KCNQ3: variants seen among roughly 807,000 people sequenced by gnomAD.
KCNQ3 encodes potassium voltage-gated channel subfamily Q member 3.
KCNQ3 carries 30 observed loss-of-function variants against 92.5 expected under a neutral mutation model. That is an observed-to-expected ratio of 0.32 (90% CI 0.24 to 0.44). KCNQ3 has a LOEUF of 0.44. KCNQ3 is among the 20% of genes least tolerant of loss of function. KCNQ3 has a pLI of 1.00. For missense variants in KCNQ3, 913 were observed against 1,140.3 expected (o/e 0.80, Z 2.87); for synonymous variants, 450 against 468.8 (o/e 0.96, Z 0.52).
At chr8:132,372,307 C>T (rs1271680846) in intron 1 of KCNQ3, among the ~76,000 whole-genome samples, 7 of 152,208 alleles carry the variant, frequency 4.6e-5, no homozygotes, top group Non-Finnish European at 1.0e-4. Context: ...CAAAATCAGA[C>T]TGTCTCTGAC....
At position 132,124,861 on chromosome 8, in the gene KCNQ3, G is replaced by A. The variant is rs1824612634; in HGVS notation, c.*4401C>T. ...ATGTGGCATCTTCTGGGAAAGCACA[G>A]GGGTGGGAGAATCCTGGGGTGTGTT... On this transcript the variant is annotated 3_prime_UTR_variant, in exon 15 of 15. Coordinates refer to ENST00000388996, the MANE Select transcript of KCNQ3 (RefSeq NM_004519.4). The A allele has an allele frequency of 6.6e-6, 1 of 152,210 alleles. No individual in the cohort carries two copies. Among genetic ancestry groups the A allele is most frequent in the African/African-American group, 2.4e-5 (1 of 41,456 alleles). The allele number at this position is 152,210 out of a possible 1,614,324, so 9.4% of individuals were successfully genotyped here. A position where few individuals can be genotyped will look rare whatever the true frequency, so the allele number is the denominator to read the frequency against.
At chr8:132,378,230 C>T (rs1311101662) in intron 1 of KCNQ3, among the ~76,000 whole-genome samples, 1 of 151,940 alleles carries the variant, frequency 6.6e-6, no homozygotes, top group South Asian at 2.1e-4. Context: ...CTCGTCCCTA[C>T]TAAAAATACA....
At chr8:132,288,535 C>T (rs1389377529) in intron 1 of KCNQ3, among the ~76,000 whole-genome samples, 1 of 152,192 alleles carries the variant, frequency 6.6e-6, no homozygotes, top group Non-Finnish European at 1.5e-5. Flanking sequence ...TAAAATGCCT[C>T]TCCTTCCCCC....
chr8:132,213,618 G>A (rs972923165), intron 1 of KCNQ3, among the ~76,000 whole-genome samples: 2 of 152,178 alleles, frequency 1.3e-5, no homozygotes, highest in Non-Finnish European at 2.9e-5. Context: ...GCTCACCCTT[G>A]TTCTGTTCCT....
chr8:132,233,523 C>T (rs1166457422), intron 1 of KCNQ3, among the ~76,000 whole-genome samples: 1 of 152,170 alleles, frequency 6.6e-6, no homozygotes, highest in Admixed American at 6.5e-5. Context: ...GCAGCCTTAA[C>T]ATTAGCATTG....
At position 132,250,153 on chromosome 8, in the gene KCNQ3, G is replaced by A. The variant is rs61286835; in HGVS notation, c.387-63972C>T. Among the ~76,000 whole-genome samples, 72 of 152,312 alleles carry A rather than the reference G, an allele frequency of 4.7e-4. No individual in the cohort carries two copies. In the East Asian group the frequency reaches 0.013, roughly 28 times the overall value. On this transcript the variant is annotated intron_variant, in intron 1 of 14. Transcript: ENST00000388996. ...CTCCTCAAGCATGGTCAGAGCGGAC[G>A]CCGAGGCCGAGGAGGCACTGAGCGC...
intron 1 of KCNQ3, among the ~76,000 whole-genome samples, chr8:132,339,949 C>G (rs1445080126): frequency 4.1e-5 from 6 of 148,092 alleles, no homozygotes; most frequent in Admixed American, 4.0e-4. Context: ...TGAGTGCGGG[C>G]AACAAACATA....
At chr8:132,359,294 G>A (rs1454785834) in intron 1 of KCNQ3, among the ~76,000 whole-genome samples, 3 of 152,204 alleles carry the variant, frequency 2.0e-5, no homozygotes, top group African/African-American at 7.2e-5. Flanking sequence ...GTGTCTTGCT[G>A]TAGTCTACAT....
chr8:132,132,374 C>T, intron 13 of KCNQ3, 110 bp from the exon 14 acceptor site: 1 of 814,428 alleles, frequency 1.2e-6, no homozygotes, highest in South Asian at 1.4e-5. Context: ...CACCCTCACA[C>T]TTGTGTGGCA....
At chr8:132,466,583 C>A (rs1418929815) in intron 1 of KCNQ3, among the ~76,000 whole-genome samples, 1 of 152,118 alleles carries the variant, frequency 6.6e-6, no homozygotes, top group Non-Finnish European at 1.5e-5. Flanking sequence ...CTCATGGTAA[C>A]CTGCTTAATG....
chr8:132,437,633 C>T (rs1821430635), intron 1 of KCNQ3, among the ~76,000 whole-genome samples: 1 of 152,182 alleles, frequency 6.6e-6, no homozygotes, highest in Non-Finnish European at 1.5e-5. Flanking sequence ...GTTTCTGATG[C>T]CTCTATACAC....
intron 1 of KCNQ3, among the ~76,000 whole-genome samples, chr8:132,211,952 C>CAAAAA (rs200457183): frequency 1.6e-5 from 1 of 62,676 alleles, no homozygotes; most frequent in African/African-American, 4.4e-5. Context: ...GACTCCATCT[C>CAAAAA]AAAAAAAAAA....
At chr8:132,331,431 A>T (rs1167911314) in intron 1 of KCNQ3, among the ~76,000 whole-genome samples, 1 of 152,188 alleles carries the variant, frequency 6.6e-6, no homozygotes, top group Non-Finnish European at 1.5e-5. Flanking sequence ...GGGTGCCCTC[A>T]TATGGCCACC....
chr8:132,296,626 G>C (rs1168617503), intron 1 of KCNQ3, among the ~76,000 whole-genome samples: 2 of 151,702 alleles, frequency 1.3e-5, no homozygotes, highest in Non-Finnish European at 2.9e-5. Flanking sequence ...ACCTATGAGT[G>C]AGAATATGCG....
intron 1 of KCNQ3, among the ~76,000 whole-genome samples, chr8:132,236,454 C>A (rs1563818451): frequency 6.6e-6 from 1 of 152,134 alleles, no homozygotes; most frequent in Non-Finnish European, 1.5e-5. Context: ...AATGAAAAGA[C>A]AGAGGCCTAA....
intron 1 of KCNQ3, among the ~76,000 whole-genome samples, chr8:132,186,761 G>A (rs1470474847): frequency 6.6e-6 from 1 of 152,138 alleles, no homozygotes; most frequent in African/African-American, 2.4e-5. Flanking sequence ...TGAAATGCTA[G>A]AAAGAAGAGG....
At chr8:132,178,856 G>A (rs1052751124) in intron 4 of KCNQ3, among the ~76,000 whole-genome samples, 11 of 151,354 alleles carry the variant, frequency 7.3e-5, no homozygotes, top group East Asian at 2.0e-4. Flanking sequence ...CTCAGGTCCA[G>A]CTCTCCAGAA....
At chr8:132,212,702 G>A (rs746018641) in intron 1 of KCNQ3, among the ~76,000 whole-genome samples, 2 of 152,154 alleles carry the variant, frequency 1.3e-5, no homozygotes, top group Non-Finnish European at 2.9e-5. Flanking sequence ...CCATGCTTCA[G>A]TCATTCAGCT....
intron 1 of KCNQ3, among the ~76,000 whole-genome samples, chr8:132,458,032 T>G (rs555260560): frequency 1.3e-5 from 2 of 152,276 alleles, no homozygotes; most frequent in East Asian, 3.9e-4. Context: ...GCCCTGCCAC[T>G]TCCATCCACA....
Sources: gnomAD v4.1 joint callset for allele counts (sites outside exome capture counted in the v4.1 genomes callset) on GRCh38, gnomAD v4.1.1 for gene constraint, MANE v1.5 for transcripts, NCBI Gene and HGNC (gene_info 2026-07-23, HGNC 2026-07-21) for gene names.